The following TRIM16 variants were observed in gnomAD, a reference collection of about 807,000 sequenced individuals.
TRIM16 encodes tripartite motif-containing protein 16.
Under a neutral mutation model 50.4 loss-of-function variants are expected in TRIM16, and 33 were observed. The observed-to-expected ratio is 0.65, with a 90% CI of 0.50 to 0.88. The LOEUF is 0.88. Ranked by LOEUF, TRIM16 falls within the 40% of genes least tolerant of loss-of-function variation. TRIM16 has a pLI of 0.00. For synonymous variants in TRIM16, 229 were observed against 270.7 expected (o/e 0.85, Z 1.51); for missense variants, 581 against 686.8 (o/e 0.85, Z 1.72).
chr17:15,665,272 G>C (rs1988437043), intron 6 of TRIM16, among the ~76,000 whole-genome samples: 3 of 152,128 alleles, frequency 2.0e-5, no homozygotes, highest in Admixed American at 2.0e-4. Context: ...CAGCACTTTG[G>C]GAGGCTGCGG....
At chr17:15,643,966 G>GT (rs1365836429) in intron 7 of TRIM16, among the ~76,000 whole-genome samples, 3 of 151,934 alleles carry the variant, frequency 2.0e-5, no homozygotes, top group Admixed American at 1.3e-4. Context: ...AAACGTGTGG[G>GT]TTTTTTTCCA....
intron 9 of TRIM16, among the ~76,000 whole-genome samples, chr17:15,634,662 A>T (rs2150900303): frequency 6.8e-6 from 1 of 146,468 alleles, no homozygotes; most frequent in East Asian, 2.1e-4. Flanking sequence ...AAAAATAAAA[A>T]TTAGCCAGGT....
At position 15,629,047 on chromosome 17, in the gene TRIM16, C is replaced by T; in HGVS notation, c.1263G>A (p.Gln421=). Residue 421 remains glutamine (Q), a synonymous_variant, in exon 12 of 12, where the codon CAG becomes CAA. Transcript: ENST00000649191. ...AGTACCTGTGCAGGTACAGACTCTG[C>T]TGGGACAGCACCTGCCGCCAGTGCA... is the stretch of plus-strand genomic sequence containing the variant. The part of the protein sequence containing the change: ...RFLHWRQVLS[Q]QSLYLHRYYF... 6.2e-7 allele frequency: 1 copy of T among 1,613,950 alleles called. No individual in the cohort carries two copies. The highest frequency in any genetic ancestry group is 1.1e-5 in the South Asian group (1 of 91,066).
chr17:15,656,791 C>T (rs1048231960), intron 6 of TRIM16, among the ~76,000 whole-genome samples: 5 of 152,078 alleles, frequency 3.3e-5, no homozygotes, highest in African/African-American at 1.2e-4. Flanking sequence ...AAAACTTTGT[C>T]GCCCAGGCTG....
At chr17:15,648,131 C>A (rs1987495859) in intron 7 of TRIM16, among the ~76,000 whole-genome samples, 2 of 150,664 alleles carry the variant, frequency 1.3e-5, no homozygotes, top group Non-Finnish European at 2.9e-5. Context: ...GAGGCTGAGG[C>A]AGGAGAATGG....
Position 15,651,279 on chromosome 17 carries a change from T to A in TRIM16, c.331A>T (p.Asn111Tyr). 6.2e-7 allele frequency: 1 copy of A among 1,614,222 alleles called. No individual in the cohort carries two copies. Among genetic ancestry groups the A allele is most frequent in the African/African-American group, 1.3e-5 (1 of 75,062 alleles). ...AGCAGGTGGCTTTGCAGTTTGATGT[T>A]CACCTGATGCGGCTGCAAGTGCTCT... ...CEEHLQPHQVNIKLQSHLLTE... is the reference protein window; with the variant it reads ...CEEHLQPHQVYIKLQSHLLTE... The change falls in exon 7 of 12, where the codon AAC becomes TAC. Residue 111 changes from asparagine (N) to tyrosine (Y), a missense_variant. By Grantham distance (143) the Asn-to-Tyr change is moderately radical. This residue lies in a region of TRIM16 where 450 missense variants were observed against 544.3 expected (regional missense o/e 0.83). Transcript: ENST00000649191.
At chr17:15,678,812 G>A (rs1182626405) in intron 4 of TRIM16, among the ~76,000 whole-genome samples, 1 of 151,740 alleles carries the variant, frequency 6.6e-6, no homozygotes. Context: ...AGGTGGCATT[G>A]GATTGACAGT....
chr17:15,650,126 A>G (rs1474769658), intron 7 of TRIM16, among the ~76,000 whole-genome samples: 1 of 152,178 alleles, frequency 6.6e-6, no homozygotes, highest in Non-Finnish European at 1.5e-5. Flanking sequence ...GGCCCTGGCA[A>G]GTAGACCCCC....
chr17:15,642,058 G>T (rs1361506614), intron 8 of TRIM16, among the ~76,000 whole-genome samples: 1 of 148,580 alleles, frequency 6.7e-6, no homozygotes, highest in African/African-American at 2.5e-5. Flanking sequence ...TGGCCAGACT[G>T]GTCTCGAACT....
chr17:15,656,142 T>C (rs1481455564), intron 6 of TRIM16, among the ~76,000 whole-genome samples: 1 of 152,112 alleles, frequency 6.6e-6, no homozygotes, highest in African/African-American at 2.4e-5. Flanking sequence ...TCCCCTCTAA[T>C]GCCAACCCTC....
chr17:15,656,225 A>T (rs1007956832), intron 6 of TRIM16, among the ~76,000 whole-genome samples: 3 of 152,078 alleles, frequency 2.0e-5, no homozygotes, highest in African/African-American at 4.8e-5. Flanking sequence ...CAAGTCTCAA[A>T]TGCCCATGCT....
intron 8 of TRIM16, among the ~76,000 whole-genome samples, chr17:15,640,766 G>A (rs867422199): frequency 3.4e-5 from 5 of 148,494 alleles, no homozygotes; most frequent in African/African-American, 1.2e-4. Context: ...ATTAGCTAAC[G>A]TGTCCTAGTT....
At chr17:15,663,649 C>T (rs181276505) in intron 6 of TRIM16, among the ~76,000 whole-genome samples, 14 of 152,270 alleles carry the variant, frequency 9.2e-5, no homozygotes, top group African/African-American at 1.9e-4. Flanking sequence ...TTGCTGCAGC[C>T]GGAAGCATCC....
intron 10 of TRIM16, 93 bp downstream of exon 10, chr17:15,632,416 T>C (rs1597599678): frequency 6.9e-7 from 1 of 1,439,192 alleles, no homozygotes; most frequent in Admixed American, 2.3e-5. Context: ...ATTCCCCTGA[T>C]TTCATCCTCC....
At chr17:15,631,979 GCCGATCGCATAATATAAGCATGACT>G in intron 10 of TRIM16, 1 of 500,816 alleles carries the variant, frequency 2.0e-6, no homozygotes, top group Non-Finnish European at 3.6e-6. Flanking sequence ...AGAAATGCCA[GCCGATCGCATAATATAAGCATGACT>G]AATTGTCCTT....
intron 4 of TRIM16, among the ~76,000 whole-genome samples, chr17:15,680,202 G>A (rs913795008): frequency 1.3e-5 from 2 of 152,070 alleles, no homozygotes; most frequent in Non-Finnish European, 2.9e-5. Context: ...CCTAGGAGCT[G>A]CTTAAAAGGA....
In TRIM16 at chr17:15,640,863, G is replaced by A. The variant is rs1409383481; in HGVS notation, c.615+1858C>T. Among the ~76,000 whole-genome samples, 2 of 148,760 alleles carry A rather than the reference G, an allele frequency of 1.3e-5. 1 individual carries two copies. Among genetic ancestry groups the A allele is most frequent in the Non-Finnish European group, 3.0e-5 (2 of 67,124 alleles). On this transcript the variant is annotated intron_variant, in intron 8 of 11. Transcript: ENST00000649191. ...AGAGGCCACAGAGTGCTCCCTGCCT[G>A]TACTGCCCGCTCCCGATGACCTCCA...
intron 6 of TRIM16, among the ~76,000 whole-genome samples, chr17:15,658,002 G>A (rs1988054255): frequency 6.6e-6 from 1 of 152,186 alleles, no homozygotes; most frequent in Non-Finnish European, 1.5e-5. Flanking sequence ...CTACCACCAG[G>A]AATGTGAGGT....
Position 15,648,609 on chromosome 17 carries a change from G to A in TRIM16, c.519+2482C>T, listed in dbSNP as rs921380706. Among the ~76,000 whole-genome samples, 6 of 152,134 alleles carry A rather than the reference G, an allele frequency of 3.9e-5. No homozygotes were observed. In the South Asian group the frequency reaches 6.2e-4, roughly 16 times the overall value. On this transcript the variant is annotated intron_variant, in intron 7 of 11. Transcript: ENST00000649191. ...CGCATGACCCAAAGTGACCTTCAGC[G>A]AGTAACTCTAGCAGGCCTGGGCTAG... is the stretch of plus-strand genomic sequence containing the variant.
Sources: gnomAD v4.1 joint callset for allele counts (sites outside exome capture counted in the v4.1 genomes callset) on GRCh38, gnomAD v4.1.1 for gene constraint, gnomAD v4.1.1 regional missense constraint, MANE v1.5 for transcripts, NCBI Gene and HGNC (gene_info 2026-07-23, HGNC 2026-07-21) for gene names.